ELP2: variants seen among roughly 807,000 people sequenced by gnomAD.
ELP2 encodes the protein elongator acetyltransferase complex subunit 2, also known as elongator complex protein 2.
In ELP2, 90 loss-of-function variants were observed where a neutral mutation model predicts 119.2. That is an observed-to-expected ratio of 0.75 (90% CI 0.64 to 0.90). The LOEUF (loss-of-function observed/expected upper bound fraction) is 0.90. Among genes scored for constraint, ELP2 ranks in the 40% least tolerant of loss-of-function variants. The probability of loss-of-function intolerance (pLI) is 0.00; values close to 1 mark genes in which losing one functional copy is unlikely to be tolerated. For synonymous variants in ELP2, 339 were observed against 331.0 expected (o/e 1.02, Z -0.26); for missense variants, 921 against 967.8 (o/e 0.95, Z 0.64).
chr18:36,154,608 A>G (rs1211625650), intron 11 of ELP2, among the ~76,000 whole-genome samples: 1 of 152,242 alleles, frequency 6.6e-6, no homozygotes, highest in Non-Finnish European at 1.5e-5. Flanking sequence ...TGCTCAATAA[A>G]TGATGAATGG....
chr18:36,178,493 GATCTGA>G lies in ELP2; in HGVS notation c.*3854_*3859del, dbSNP rs2091271040. 1 of 152,182 alleles carries G rather than the reference GATCTGA, an allele frequency of 6.6e-6. No homozygotes were observed. Among genetic ancestry groups the G allele is most frequent in the South Asian group, 2.1e-4 (1 of 4,828 alleles). 9.4% of individuals were successfully genotyped at this position (152,182 alleles called of 1,614,324 possible). On this transcript the variant is annotated 3_prime_UTR_variant, in exon 22 of 22. Coordinates refer to ENST00000358232, the MANE Select transcript of ELP2 (RefSeq NM_018255.4). ...AATGTATGAACCTTGTTTGCCTCTT[GATCTGA>G]ACTAGCCAATCAATCTTGTAAAAAT... is the stretch of plus-strand genomic sequence containing the variant.
chr18:36,147,677 C>A (rs1023661506), intron 11 of ELP2, among the ~76,000 whole-genome samples: 5 of 149,824 alleles, frequency 3.3e-5, no homozygotes, highest in Non-Finnish European at 7.4e-5. Context: ...CCCGCCTCAG[C>A]CTCCCAAAGT....
At chr18:36,151,105 G>A (rs2090384258) in intron 11 of ELP2, among the ~76,000 whole-genome samples, 1 of 140,996 alleles carries the variant, frequency 7.1e-6, no homozygotes. Context: ...CTTTTTTTGA[G>A]ACAGTGTCTC....
At chr18:36,154,771 C>T (rs2090508241) in intron 11 of ELP2, 79 bp from the exon 12 acceptor site, 1 of 1,536,082 alleles carries the variant, frequency 6.5e-7, no homozygotes, top group South Asian at 1.1e-5. Flanking sequence ...TTAGTCTTCT[C>T]TGTTATCAGA....
chr18:36,156,797 G>A (rs1338683932), intron 13 of ELP2, 143 bp downstream of exon 13: 7 of 805,708 alleles, frequency 8.7e-6, no homozygotes, highest in Non-Finnish European at 1.4e-5. Context: ...CAAAGTTTTT[G>A]TGCACTGTGG....
chr18:36,159,339 C>T (rs142334043), intron 14 of ELP2, among the ~76,000 whole-genome samples: 19 of 152,142 alleles, frequency 1.2e-4, no homozygotes, highest in Non-Finnish European at 2.4e-4. Context: ...TCTGGAACTC[C>T]TGACCTCAGG....
chr18:36,149,154 C>T (rs1032534500), intron 11 of ELP2, among the ~76,000 whole-genome samples: 2 of 152,208 alleles, frequency 1.3e-5, no homozygotes, highest in African/African-American at 4.8e-5. Context: ...CATTTCTTTA[C>T]TCTCAGCTGC....
chr18:36,132,810 T>C (rs1054704296), intron 1 of ELP2, among the ~76,000 whole-genome samples: 1 of 150,992 alleles, frequency 6.6e-6, no homozygotes, highest in Admixed American at 6.6e-5. Context: ...ATTCTTCTAT[T>C]GGAGGGCTTT....
At position 36,174,716 on chromosome 18, in the gene ELP2, C is replaced by T; in HGVS notation, c.*75C>T. 1 of 1,367,436 alleles carries T rather than the reference C, an allele frequency of 7.3e-7. No individual in the cohort carries two copies. The highest frequency in any genetic ancestry group is 2.4e-5 in the East Asian group (1 of 42,320). 84.7% of individuals were successfully genotyped at this position (1,367,436 alleles called of 1,614,324 possible). A position where few individuals can be genotyped will look rare whatever the true frequency, so the allele number is the denominator to read the frequency against. On this transcript the variant is annotated 3_prime_UTR_variant, in exon 22 of 22. Coordinates refer to ENST00000358232, the MANE Select transcript of ELP2 (RefSeq NM_018255.4). ...CATGTAAACAGGTCATCTTTACCTT[C>T]ATAACTGAATTGAGTTTCTGGGTTT...
At chr18:36,138,485 G>T (rs1359234733) in intron 4 of ELP2, 59 bp downstream of exon 4, 37 of 1,520,380 alleles carry the variant, frequency 2.4e-5, no homozygotes, top group Non-Finnish European at 2.4e-5. Context: ...AATGAATGAC[G>T]AGTAGAAGAG....
chr18:36,156,525 A>G lies in ELP2; in HGVS notation c.1335A>G (p.Ala445=), dbSNP rs773930557. 1 of 1,614,144 alleles carries G rather than the reference A, an allele frequency of 6.2e-7. No homozygotes were observed. The highest frequency in any genetic ancestry group is 1.1e-5 in the South Asian group (1 of 91,080). The change falls in exon 13 of 22, where the codon GCA becomes GCG. Residue 445 remains alanine, a synonymous_variant. Transcript: ENST00000358232. Reference sequence around the variant, plus strand: ...ATGGGTATGACCTGAAATGTTTGGCAATGATTAATCGGTTTCAGTTTGTAT... The same window carrying G: ...ATGGGTATGACCTGAAATGTTTGGCGATGATTAATCGGTTTCAGTTTGTAT... The part of the protein sequence containing the change: ...QIHGYDLKCL[A]MINRFQFVSG...
chr18:36,163,342 T>TGAA, intron 17 of ELP2, among the ~76,000 whole-genome samples: 1 of 151,218 alleles, frequency 6.6e-6, no homozygotes, highest in East Asian at 2.0e-4. Context: ...TGATGGACAC[T>TGAA]GAACAGTTTT....
chr18:36,172,385 T>C (rs2091107432), intron 21 of ELP2, among the ~76,000 whole-genome samples: 1 of 152,240 alleles, frequency 6.6e-6, no homozygotes, highest in African/African-American at 2.4e-5. Context: ...CAATTTCAAA[T>C]GACAATATGA....
At chr18:36,156,237 T>C (rs1404462967) in intron 12 of ELP2, among the ~76,000 whole-genome samples, 1 of 152,162 alleles carries the variant, frequency 6.6e-6, no homozygotes, top group African/African-American at 2.4e-5. Flanking sequence ...GTTGAGAACA[T>C]TGGGAACAGC....
intron 1 of ELP2, among the ~76,000 whole-genome samples, chr18:36,131,429 G>A (rs2089621973): frequency 1.3e-5 from 2 of 152,248 alleles, no homozygotes; most frequent in Admixed American, 6.5e-5. Flanking sequence ...ATCCAGCGCC[G>A]TGAGCGCGGA....
At chr18:36,154,518 A>C (rs1008613749) in intron 11 of ELP2, among the ~76,000 whole-genome samples, 5 of 152,236 alleles carry the variant, frequency 3.3e-5, no homozygotes, top group African/African-American at 1.2e-4. Context: ...TTTAATCCTC[A>C]TAATAACCCT....
At position 36,180,345 on chromosome 18, in the gene ELP2, T is replaced by C. The variant is rs960149092; in HGVS notation, c.*5704T>C. 1 of 152,224 alleles carries C rather than the reference T, an allele frequency of 6.6e-6. No individual in the cohort carries two copies. Among genetic ancestry groups the C allele is most frequent in the Non-Finnish European group, 1.5e-5 (1 of 68,046 alleles). 9.4% of individuals were successfully genotyped at this position (152,224 alleles called of 1,614,324 possible). A position where few individuals can be genotyped will look rare whatever the true frequency, so the allele number is the denominator to read the frequency against. On this transcript the variant is annotated 3_prime_UTR_variant, in exon 22 of 22. Transcript: ENST00000358232. The stretch of plus-strand genomic sequence containing the variant: ...AGGAGAAGCTGGGAAATTAAATCTT[T>C]ATTGCAGATGCCCATGTGCTCAGCA...
chr18:36,149,636 A>T (rs1205097210), intron 11 of ELP2, among the ~76,000 whole-genome samples: 2 of 152,064 alleles, frequency 1.3e-5, no homozygotes, highest in Non-Finnish European at 2.9e-5. Context: ...AAGAAAAAAA[A>T]TATAGTCATT....
chr18:36,172,559 G>A (rs1366985176), intron 21 of ELP2, among the ~76,000 whole-genome samples: 1 of 152,158 alleles, frequency 6.6e-6, no homozygotes, highest in African/African-American at 2.4e-5. Flanking sequence ...CTGCCTCTCT[G>A]GGCTGGGTTT....
Sources: allele counts gnomAD v4.1 joint callset (sites outside exome capture counted in the v4.1 genomes callset), GRCh38; gene constraint gnomAD v4.1.1; transcripts MANE v1.5; gene names NCBI Gene and HGNC (gene_info 2026-07-23, HGNC 2026-07-21).